Variants in OCA2 observed in about 807,000 individuals in gnomAD.
OCA2 encodes the protein OCA2 melanosomal transmembrane protein.
In OCA2, 77 loss-of-function variants were observed where a neutral mutation model predicts 100.2. The ratio of observed to expected loss-of-function variants is 0.77; its 90% CI spans 0.64 to 0.93. The LOEUF (loss-of-function observed/expected upper bound fraction) is 0.93, where lower values mean the gene tolerates loss of function less well. Among genes scored for constraint, OCA2 ranks in the 40% least tolerant of loss-of-function variants. The pLI, the probability that OCA2 is intolerant of heterozygous loss-of-function variation, is 0.00. For synonymous variants in OCA2, 432 were observed against 439.2 expected, an observed-to-expected ratio of 0.98 and a Z score of 0.21; for missense variants, 1,062 against 1,089.1, an observed-to-expected ratio of 0.98 and a Z score of 0.35.
At chr15:28,050,958 G>T (rs2043493494) in intron 2 of OCA2, among the ~76,000 whole-genome samples, 1 of 151,870 alleles carries the variant, frequency 6.6e-6, no homozygotes. Flanking sequence ...ACCCCCTACT[G>T]CCCTCCACCC....
intron 2 of OCA2, among the ~76,000 whole-genome samples, chr15:28,048,636 C>T (rs1023192718): frequency 6.6e-6 from 1 of 151,968 alleles, no homozygotes; most frequent in Non-Finnish European, 1.5e-5. Context: ...AGCTATAGCA[C>T]CAAAATCCCA....
In OCA2 at chr15:28,069,078, G is replaced by C. The variant is rs143505878; in HGVS notation, c.227+12570C>G. On this transcript the variant is annotated intron_variant, in intron 2 of 23. Coordinates refer to ENST00000354638, the MANE Select transcript of OCA2 (RefSeq NM_000275.3). ...ACCACTCCTATTCAACAGAGTATTA[G>C]AAATTCTAGCCAAAGCAGTCAGGCA... Among the ~76,000 whole-genome samples, 25 of 152,186 alleles carry C rather than the reference G, an allele frequency of 1.6e-4. No individual in the cohort carries two copies. The East Asian group carries it at 4.8e-3, about 29-fold the overall frequency.
At chr15:27,895,880 A>G (rs1200987393) in intron 19 of OCA2, 4 of 572,862 alleles carry the variant, frequency 7.0e-6, no homozygotes, top group Admixed American at 2.4e-5. Flanking sequence ...ACACAGAGAT[A>G]TTATTTATCA....
At chr15:27,764,405 C>T (rs2031093837) in intron 23 of OCA2, among the ~76,000 whole-genome samples, 1 of 152,182 alleles carries the variant, frequency 6.6e-6, no homozygotes, top group African/African-American at 2.4e-5. Context: ...GAGCCCTTAT[C>T]TCATAAAGAT....
At chr15:27,808,632 C>T (rs6497238) in intron 23 of OCA2, among the ~76,000 whole-genome samples, 106,140 of 151,890 alleles carry the variant, frequency 0.7, 37,976 homozygotes, top group East Asian at 1. Context: ...TTTAGAAAAA[C>T]GTGACTGAAT....
chr15:27,922,715 G>C (rs868650767), intron 19 of OCA2, among the ~76,000 whole-genome samples: 1 of 120,632 alleles, frequency 8.3e-6, no homozygotes, highest in African/African-American at 3.2e-5. Flanking sequence ...GTGTGTGTGT[G>C]TGTGTGTTTC....
chr15:27,861,214 G>A (rs554922485), intron 21 of OCA2, among the ~76,000 whole-genome samples: 1 of 152,294 alleles, frequency 6.6e-6, no homozygotes, highest in East Asian at 1.9e-4. Context: ...GGTGTTAGCT[G>A]GCTCTCAGCC....
At chr15:27,941,240 G>A (rs1162633462) in intron 18 of OCA2, among the ~76,000 whole-genome samples, 1 of 152,132 alleles carries the variant, frequency 6.6e-6, no homozygotes, top group Non-Finnish European at 1.5e-5. Flanking sequence ...GTAATCATTC[G>A]ATGTGAGAAT....
intron 5 of OCA2, among the ~76,000 whole-genome samples, chr15:28,024,076 C>T (rs1009211824): frequency 6.6e-6 from 1 of 152,214 alleles, no homozygotes; most frequent in Non-Finnish European, 1.5e-5. Flanking sequence ...ACAAAGCACA[C>T]CAAGGCTGGC....
chr15:27,766,347 C>T (rs1459597258), intron 23 of OCA2, among the ~76,000 whole-genome samples: 1 of 151,928 alleles, frequency 6.6e-6, no homozygotes, highest in African/African-American at 2.4e-5. Flanking sequence ...CTGAGAAGGA[C>T]CCTATGGTCA....
chr15:27,770,345 G>A (rs560565652), intron 23 of OCA2, among the ~76,000 whole-genome samples: 1 of 152,304 alleles, frequency 6.6e-6, no homozygotes, highest in South Asian at 2.1e-4. Flanking sequence ...GGGGCCGGGC[G>A]AGGCTTTCAG....
At chr15:27,897,049 G>T (rs1333967678) in intron 19 of OCA2, among the ~76,000 whole-genome samples, 1 of 152,110 alleles carries the variant, frequency 6.6e-6, no homozygotes, top group Non-Finnish European at 1.5e-5. Flanking sequence ...AATTAGCCGG[G>T]TGTGGTGGTG....
the OCA2 span, among the ~76,000 whole-genome samples, chr15:27,731,128 A>T: frequency 6.6e-6 from 1 of 152,156 alleles, no homozygotes; most frequent in African/African-American, 2.4e-5. Flanking sequence ...CACTGGCTGT[A>T]AGTTACCTTC....
At chr15:27,876,936 T>A (rs909742654) in intron 19 of OCA2, among the ~76,000 whole-genome samples, 1 of 151,890 alleles carries the variant, frequency 6.6e-6, no homozygotes, top group Non-Finnish European at 1.5e-5. Context: ...CTATGTATTT[T>A]AGTTTTACTT....
intron 18 of OCA2, among the ~76,000 whole-genome samples, chr15:27,944,367 C>T (rs774304418): frequency 1.3e-5 from 2 of 152,206 alleles, no homozygotes; most frequent in Admixed American, 6.5e-5. Context: ...GATAACAGCC[C>T]TTCCCCAAAA....
intron 21 of OCA2, among the ~76,000 whole-genome samples, chr15:27,866,995 A>G (rs1240229050): frequency 1.3e-5 from 2 of 152,232 alleles, no homozygotes; most frequent in African/African-American, 4.8e-5. Context: ...CGGGGCAGGG[A>G]TCCTGAGCAC....
chr15:27,774,594 T>C (rs2032082835), intron 23 of OCA2, among the ~76,000 whole-genome samples: 1 of 152,234 alleles, frequency 6.6e-6, no homozygotes, highest in Non-Finnish European at 1.5e-5. Context: ...GGTTTCTCAG[T>C]TGTTATGGCT....
intron 23 of OCA2, among the ~76,000 whole-genome samples, chr15:27,774,111 G>A (rs2032047542): frequency 6.6e-6 from 1 of 151,992 alleles, no homozygotes; most frequent in Non-Finnish European, 1.5e-5. Flanking sequence ...CAGTCATCTT[G>A]TATCAAACTG....
intron 2 of OCA2, among the ~76,000 whole-genome samples, chr15:28,054,216 ATGTG>A (rs71932584): frequency 4.3e-4 from 66 of 152,026 alleles, no homozygotes; most frequent in Middle Eastern, 6.3e-3. Context: ...GTGTGTATGT[ATGTG>A]TATGTGTGTA....
Sources: gnomAD v4.1 joint callset for allele counts (sites outside exome capture counted in the v4.1 genomes callset) on GRCh38, gnomAD v4.1.1 for gene constraint, MANE v1.5 for transcripts, NCBI Gene and HGNC (gene_info 2026-07-23, HGNC 2026-07-21) for gene names.